Variants in HERC2 observed in about 807,000 individuals in gnomAD.
HERC2 encodes HECT and RLD domain containing E3 ubiquitin protein ligase 2.
A neutral mutation model predicts 537.7 loss-of-function variants in HERC2; 102 were observed. The ratio of observed to expected loss-of-function variants is 0.19; its 90% confidence interval spans 0.16 to 0.22. The LOEUF (loss-of-function observed/expected upper bound fraction) is 0.22, where lower values mean the gene tolerates loss of function less well. Among genes scored for constraint, HERC2 ranks in the 10% least tolerant of loss-of-function variants. The pLI is 1.00. For missense variants in HERC2, 4,236 were observed against 6,198.2 expected (o/e 0.68, Z 10.63); for synonymous variants, 2,224 against 2,466.2 (o/e 0.90, Z 2.91).
chr15:28,254,012 G>T (rs1283382497), intron 20 of HERC2, among the ~76,000 whole-genome samples: 1 of 147,260 alleles, frequency 6.8e-6, no homozygotes, highest in Non-Finnish European at 1.5e-5. Context: ...GACCGGGAGT[G>T]GTGGGTGATG....
chr15:28,243,906 T>C lies in HERC2; in HGVS notation c.3577+1975A>G, dbSNP rs184521279. Among the ~76,000 whole-genome samples the C allele has an allele frequency of 5.3e-5, 8 of 152,254 alleles. No homozygotes were observed. The East Asian group carries it at 5.8e-4, about 11-fold the overall frequency. The stretch of plus-strand genomic sequence containing the variant: ...AAACAGATGTAAGAATGTTAACGTA[T>C]TGGCAGGAGCGCTGGCTCATGCCTC... On this transcript the variant is annotated intron_variant, in intron 23 of 92. Transcript: ENST00000261609.
chr15:28,132,924 C>A (rs940656445), intron 79 of HERC2, 94 bp from the exon 80 acceptor site: 2 of 1,010,156 alleles, frequency 2.0e-6, no homozygotes, highest in South Asian at 2.2e-5. Flanking sequence ...CCTTCCTAAT[C>A]AGTTAATTGT....
At position 28,176,905 on chromosome 15, in the gene HERC2, T is replaced by G; in HGVS notation, c.9432+45A>C. 1.3e-6 allele frequency: 2 copies of G among 1,594,942 alleles called. No individual in the cohort carries two copies. Among genetic ancestry groups the G allele is most frequent in the Non-Finnish European group, 1.7e-6 (2 of 1,166,200 alleles). On this transcript the variant is annotated intron_variant, in intron 61 of 92. Coordinates refer to ENST00000261609, the MANE Select transcript of HERC2 (RefSeq NM_004667.6). The surrounding 1 kb of genome is among the most constrained non-coding windows in gnomAD (Gnocchi z 5.0). ...TGAAGCTTATTTTCTCTTGACATCT[T>G]CAGATGGTAAGCTTTCTGCAAGCAA...
chr15:28,322,133 G>T lies in HERC2; in HGVS notation c.-90C>A, dbSNP rs1225543796. Reference sequence around the variant, plus strand: ...GGCGCGCGGACGCAGCCTCCCAAGAGCCGCTGGCTCAGCCGGCGCCCGCGA... The same window carrying T: ...GGCGCGCGGACGCAGCCTCCCAAGATCCGCTGGCTCAGCCGGCGCCCGCGA... On this transcript the variant is annotated 5_prime_UTR_variant, in exon 1 of 93. Coordinates refer to ENST00000261609, the MANE Select transcript of HERC2 (RefSeq NM_004667.6). 8 of 70,016 alleles carry T rather than the reference G, an allele frequency of 1.1e-4. No homozygotes were observed. Among genetic ancestry groups the T allele is most frequent in the African/African-American group, 4.6e-4 (7 of 15,364 alleles). 4.3% of individuals were successfully genotyped at this position (70,016 alleles called of 1,614,324 possible).
intron 57 of HERC2, among the ~76,000 whole-genome samples, chr15:28,180,771 T>G (rs1057240684): frequency 6.6e-6 from 1 of 152,230 alleles, no homozygotes; most frequent in African/African-American, 2.4e-5. Flanking sequence ...TGTACAGATA[T>G]TTTTGTTGCC....
At chr15:28,168,731 A>C (rs976369378) in intron 66 of HERC2, 141 bp from the exon 67 acceptor site, 13 of 641,720 alleles carry the variant, frequency 2.0e-5, no homozygotes, top group Non-Finnish European at 3.1e-5. Context: ...GAAAACTACC[A>C]AACATTATTA....
intron 84 of HERC2, 91 bp downstream of exon 84, chr15:28,124,915 G>A (rs1304492941): frequency 8.0e-7 from 1 of 1,247,602 alleles, no homozygotes; most frequent in Non-Finnish European, 1.1e-6. Context: ...TTTTCACCAA[G>A]AAGCCTCTGT....
At chr15:28,316,626 C>T (rs1243745028) in intron 2 of HERC2, among the ~76,000 whole-genome samples, 3 of 152,140 alleles carry the variant, frequency 2.0e-5, no homozygotes, top group African/African-American at 7.2e-5. Flanking sequence ...TAAAAACCAC[C>T]CTTAGAATCC....
chr15:28,194,158 T>C (rs1315295668), intron 52 of HERC2, among the ~76,000 whole-genome samples: 4 of 150,224 alleles, frequency 2.7e-5, no homozygotes, highest in Admixed American at 6.6e-5. Context: ...CTCCACATCC[T>C]GGGTTCACGC....
In HERC2 at chr15:28,177,578, C is replaced by T. The variant is rs1895417307; in HGVS notation, c.9164-69G>A. On this transcript the variant is annotated intron_variant, in intron 59 of 92. Transcript: ENST00000261609. The surrounding 1 kb of genome is among the most constrained non-coding windows in gnomAD (Gnocchi z 5.0). Reference sequence around the variant, plus strand: ...AGAAAGCCCACAGCATAGCTAGCTCCCTATTTTGCCTGGCATATAGCACAC... The same window carrying T: ...AGAAAGCCCACAGCATAGCTAGCTCTCTATTTTGCCTGGCATATAGCACAC... The T allele has an allele frequency of 4.3e-6, 6 of 1,409,412 alleles. No individual in the cohort carries two copies. Among genetic ancestry groups the T allele is most frequent in the Non-Finnish European group, 6.0e-6 (6 of 995,122 alleles). 87.3% of individuals were successfully genotyped at this position (1,409,412 alleles called of 1,614,324 possible). A position where few individuals can be genotyped will look rare whatever the true frequency, so the allele number is the denominator to read the frequency against.
chr15:28,318,252 C>T (rs1267859732), intron 2 of HERC2, among the ~76,000 whole-genome samples: 1 of 152,150 alleles, frequency 6.6e-6, no homozygotes, highest in East Asian at 1.9e-4. Context: ...ACTGACACCT[C>T]TTAGCTCTGT....
At chr15:28,225,998 G>C (rs1901114197) in intron 35 of HERC2, among the ~76,000 whole-genome samples, 1 of 152,134 alleles carries the variant, frequency 6.6e-6, no homozygotes, top group African/African-American at 2.4e-5. Flanking sequence ...CTCTACCAAA[G>C]ATTTAAAGCA....
At chr15:28,273,305 A>G (rs910543097) in intron 7 of HERC2, 7 of 442,884 alleles carry the variant, frequency 1.6e-5, no homozygotes, top group African/African-American at 1.2e-4. Flanking sequence ...AAGTAGAAGA[A>G]TATCTAGCTA....
At chr15:28,194,791 C>T (rs1158916135) in intron 52 of HERC2, among the ~76,000 whole-genome samples, 1 of 152,078 alleles carries the variant, frequency 6.6e-6, no homozygotes, top group African/African-American at 2.4e-5. Flanking sequence ...TGCAGTGGCT[C>T]ATGCATGTAA....
chr15:28,219,698 T>C (rs768642745), intron 37 of HERC2, among the ~76,000 whole-genome samples: 1 of 152,166 alleles, frequency 6.6e-6, no homozygotes, highest in Non-Finnish European at 1.5e-5. Flanking sequence ...GTACACCTTC[T>C]AAGATCTCGT....
rs750146423 is a variant in HERC2 at position 28,130,248 on chromosome 15, C to T, written c.12717G>A (p.Arg4239=). ...CCTGCAACCCTTGGACCTGCCGAGG[C>T]CTTCGAACATGGTCATCTGATCCAT... ...LGHGSDDHVR[R]PRQVQGLQGK... The change falls in exon 83 of 93, where the codon AGG becomes AGA. Residue 4239 remains arginine (R), a synonymous_variant. Transcript: ENST00000261609. The T allele has an allele frequency of 6.2e-7, 1 of 1,614,162 alleles. No individual in the cohort carries two copies. The highest frequency in any genetic ancestry group is 8.5e-7 in the Non-Finnish European group (1 of 1,180,030).
chr15:28,291,241 T>C (rs1377229689), intron 4 of HERC2, among the ~76,000 whole-genome samples: 1 of 152,156 alleles, frequency 6.6e-6, no homozygotes, highest in African/African-American at 2.4e-5. Flanking sequence ...ACGAATTTTT[T>C]TTTAAGAAAC....
chr15:28,136,675 A>T (rs999875618), intron 78 of HERC2, among the ~76,000 whole-genome samples: 1 of 152,222 alleles, frequency 6.6e-6, no homozygotes, highest in Non-Finnish European at 1.5e-5. Flanking sequence ...TCTTTCTGTA[A>T]ATGAAGCTTT....
Position 28,176,972 on chromosome 15 carries a change from G to A in HERC2, c.9410C>T (p.Thr3137Met), listed in dbSNP as rs779163278. 23 of 1,613,482 alleles carry A rather than the reference G, an allele frequency of 1.4e-5. No individual in the cohort carries two copies. The highest frequency in any genetic ancestry group is 1.1e-4 in the African/African-American group (8 of 74,892). Residue 3137 changes from threonine (T) to methionine (M), a missense_variant, in exon 61 of 93, where the codon ACG becomes ATG. Transcript: ENST00000261609. The surrounding 1 kb of genome is among the most constrained non-coding windows in gnomAD (Gnocchi z 5.0). The part of the protein sequence containing the change: ...EYGRLGHGDN[T>M]TQLKPKMVKV... The stretch of plus-strand genomic sequence containing the variant: ...CACCATTTTGGGCTTTAGCTGTGTC[G>A]TATTATCCCCATGTCCCAGCCGGCC...
Sources: gnomAD v4.1 joint callset for allele counts (sites outside exome capture counted in the v4.1 genomes callset) on GRCh38, gnomAD v4.1.1 for gene constraint, Gnocchi (gnomAD v3.1) non-coding constraint, MANE v1.5 for transcripts, NCBI Gene and HGNC (gene_info 2026-07-23, HGNC 2026-07-21) for gene names.